ATP2C2: variants seen among roughly 807,000 people sequenced by gnomAD.
ATP2C2 encodes calcium-transporting ATPase type 2C member 2.
Under a neutral mutation model 110.8 loss-of-function variants are expected in ATP2C2, and 171 were observed. The ratio of observed to expected loss-of-function variants is 1.54; its 90% CI spans 1.36 to 1.75. The LOEUF (loss-of-function observed/expected upper bound fraction) is 1.75. Ranked by LOEUF, ATP2C2 falls within the 40% of genes most tolerant of loss-of-function variation. ATP2C2 has a pLI of 0.00. For missense variants in ATP2C2, 1,963 were observed against 1,235.0 expected, an observed-to-expected ratio of 1.59 and a Z score of -8.84; for synonymous variants, 804 against 508.4, an observed-to-expected ratio of 1.58 and a Z score of -7.82.
At chr16:84,394,304 C>G (rs1904843246) in intron 1 of ATP2C2, among the ~76,000 whole-genome samples, 1 of 152,136 alleles carries the variant, frequency 6.6e-6, no homozygotes, top group Non-Finnish European at 1.5e-5. Flanking sequence ...ACCACCACTT[C>G]TATTCAGTTC....
chr16:84,374,237 G>T (rs16963515), intron 1 of ATP2C2, among the ~76,000 whole-genome samples: 4 of 152,042 alleles, frequency 2.6e-5, no homozygotes, highest in Admixed American at 2.0e-4. Flanking sequence ...TTTTCTCACC[G>T]AATCCACAAT....
At chr16:84,450,701 C>T (rs1282379419) in intron 17 of ATP2C2, among the ~76,000 whole-genome samples, 1 of 152,038 alleles carries the variant, frequency 6.6e-6, no homozygotes, top group East Asian at 1.9e-4. Context: ...TACACCACCC[C>T]CTCTCAGATC....
At position 84,424,576 on chromosome 16, in the gene ATP2C2, CTTTTT is replaced by C. The variant is rs371614449; in HGVS notation, c.920-1140_920-1136del. On this transcript the variant is annotated intron_variant, in intron 10 of 26. Transcript: ENST00000262429. ...TACAGGCATGAGCCACCGCACTGGG[CTTTTT>C]TTTTTTTTTTTTTTTTTTAACATTT... Among the ~76,000 whole-genome samples the C allele has an allele frequency of 7.9e-3, 908 of 114,848 alleles. 15 individuals are homozygous for C. Among genetic ancestry groups the C allele is most frequent in the Middle Eastern group, 0.021 (5 of 234 alleles). The allele number at this position is 114,848 out of a possible 152,430, so 75.3% of individuals were successfully genotyped here.
At chr16:84,439,994 C>T (rs1184812352) in intron 13 of ATP2C2, among the ~76,000 whole-genome samples, 2 of 152,162 alleles carry the variant, frequency 1.3e-5, no homozygotes, top group Admixed American at 6.5e-5. Flanking sequence ...CCTAATACGC[C>T]GAGCTTATTT....
At chr16:84,386,557 C>A (rs192267771) in intron 1 of ATP2C2, among the ~76,000 whole-genome samples, 1 of 152,228 alleles carries the variant, frequency 6.6e-6, no homozygotes, top group Non-Finnish European at 1.5e-5. Flanking sequence ...AAGGTTCATG[C>A]TCCAAGTATC....
intron 2 of ATP2C2, among the ~76,000 whole-genome samples, chr16:84,401,955 C>T (rs1376317635): frequency 1.3e-5 from 2 of 151,254 alleles, no homozygotes; most frequent in Non-Finnish European, 2.9e-5. Flanking sequence ...ATTTTTCCAA[C>T]CCATGAACAT....
intron 11 of ATP2C2, among the ~76,000 whole-genome samples, chr16:84,430,088 T>C (rs1207090454): frequency 6.6e-6 from 1 of 152,192 alleles, no homozygotes; most frequent in Non-Finnish European, 1.5e-5. Flanking sequence ...ACCCCATTTT[T>C]ATTTGATGAT....
chr16:84,435,411 T>C lies in ATP2C2; in HGVS notation c.987-3755T>C, dbSNP rs541780956. On this transcript the variant is annotated intron_variant, in intron 11 of 26. Transcript: ENST00000262429. Reference sequence around the variant, plus strand: ...TCACCAGGTGTTCAGCCAACCCAGGTGGAGTGCTCACTGTGTGCTAGGCCA... The same window carrying C: ...TCACCAGGTGTTCAGCCAACCCAGGCGGAGTGCTCACTGTGTGCTAGGCCA... 2.0e-5 allele frequency among the ~76,000 whole-genome samples: 3 copies of C among 152,346 alleles called. No individual in the cohort carries two copies. The South Asian group carries it at 6.2e-4, about 32-fold the overall frequency.
intron 6 of ATP2C2, among the ~76,000 whole-genome samples, chr16:84,415,131 G>A (rs1363492859): frequency 6.6e-6 from 1 of 152,122 alleles, no homozygotes; most frequent in Non-Finnish European, 1.5e-5. Flanking sequence ...CCTGCACCCT[G>A]AGTGCTGTGT....
intron 13 of ATP2C2, 73 bp downstream of exon 13, chr16:84,439,597 C>A: frequency 1.5e-6 from 2 of 1,330,526 alleles, no homozygotes; most frequent in East Asian, 2.3e-5. Flanking sequence ...ACTAAGCACA[C>A]AATGTCTTCT....
At chr16:84,418,629 G>A (rs895968452) in intron 7 of ATP2C2, among the ~76,000 whole-genome samples, 4 of 152,194 alleles carry the variant, frequency 2.6e-5, no homozygotes, top group East Asian at 1.9e-4. Context: ...CAGAGGTTGC[G>A]TGGCCCTGCG....
In ATP2C2 at chr16:84,455,070, A is replaced by ACG. The variant is rs113623854; in HGVS notation, c.2147+86_2147+87insCG. On this transcript the variant is annotated intron_variant, in intron 21 of 26. Coordinates refer to ENST00000262429, the MANE Select transcript of ATP2C2 (RefSeq NM_014861.4). ...CTGGAACCTGCTACTGTGGAGATAG[A>ACG]GGGGGGGGTCTCGCGGAGTCCCCAG... 11 of 1,199,462 alleles carry ACG rather than the reference A, an allele frequency of 9.2e-6. No individual in the cohort carries two copies. In the East Asian group the frequency reaches 1.2e-4, roughly 13 times the overall value. 74.3% of individuals were successfully genotyped at this position (1,199,462 alleles called of 1,614,324 possible).
chr16:84,430,365 G>A (rs35922183), intron 11 of ATP2C2, among the ~76,000 whole-genome samples: 55,410 of 151,932 alleles, frequency 0.36, 10,301 homozygotes, highest in South Asian at 0.4. Flanking sequence ...TCTGGGCCGG[G>A]TGCGGTGGCT....
Position 84,439,192 on chromosome 16 carries a change from G to T in ATP2C2, c.1013G>T (p.Gly338Val). 6.2e-7 allele frequency: 1 copy of T among 1,612,240 alleles called. No homozygotes were observed. The highest frequency in any genetic ancestry group is 1.1e-5 in the South Asian group (1 of 90,994). ...CTGGCTGTGGCGGCCATTCCAGAGG[G>T]TCTGCCCATCGTCGTCATGGTGACG... ...VSLAVAAIPE[G>V]LPIVVMVTLV... The change falls in exon 12 of 27, where the codon GGT becomes GTT. Residue 338 changes from glycine (G) to valine (V), a missense_variant. Transcript: ENST00000262429.
intron 1 of ATP2C2, among the ~76,000 whole-genome samples, chr16:84,383,199 C>T (rs1035342393): frequency 6.6e-6 from 1 of 152,224 alleles, no homozygotes; most frequent in Non-Finnish European, 1.5e-5. Flanking sequence ...CCTCACTGTC[C>T]CAAAACTGAG....
At chr16:84,462,338 G>A (rs995389534) in intron 26 of ATP2C2, 6 of 624,644 alleles carry the variant, frequency 9.6e-6, no homozygotes, top group Non-Finnish European at 1.3e-5. Flanking sequence ...CCTAGGAAGA[G>A]GCCTGTCACT....
intron 1 of ATP2C2, among the ~76,000 whole-genome samples, chr16:84,381,495 T>A (rs1480270561): frequency 2.0e-5 from 3 of 152,064 alleles, no homozygotes. Context: ...GAGAATTGCT[T>A]GAACCTGGGA....
At position 84,459,360 on chromosome 16, in the gene ATP2C2, C is replaced by T. The variant is rs564513960; in HGVS notation, c.2307C>T (p.Ile769=). ...CCATGCAGATCCTATGGATCAACAT[C>T]ATCATGGATGGGCCACCGGCGCAGA... is the stretch of plus-strand genomic sequence containing the variant. ...LNAMQILWIN[I]IMDGPPAQSL... The change falls in exon 23 of 27, where the codon ATC becomes ATT. Residue 769 remains isoleucine (I), a synonymous_variant. Coordinates refer to ENST00000262429, the MANE Select transcript of ATP2C2 (RefSeq NM_014861.4). The T allele has an allele frequency of 1.6e-5, 26 of 1,614,184 alleles. 1 individual carries two copies. In the South Asian group the frequency reaches 2.6e-4, roughly 16 times the overall value.
intron 15 of ATP2C2, among the ~76,000 whole-genome samples, chr16:84,443,541 G>C (rs1055754917): frequency 1.1e-4 from 16 of 152,082 alleles, no homozygotes; most frequent in African/African-American, 3.9e-4. Flanking sequence ...CTCCCTTCCT[G>C]CTTCCTCCTG....
Sources: allele counts gnomAD v4.1 joint callset (sites outside exome capture counted in the v4.1 genomes callset), GRCh38; gene constraint gnomAD v4.1.1; transcripts MANE v1.5; gene names NCBI Gene and HGNC (gene_info 2026-07-23, HGNC 2026-07-21).